The following TESPA1 variants were observed in gnomAD, a reference collection of about 807,000 sequenced individuals.
TESPA1 encodes the protein thymocyte expressed, positive selection associated 1.
Under a neutral mutation model 57.9 loss-of-function variants are expected in TESPA1, and 33 were observed. The observed-to-expected ratio is 0.57, with a 90% confidence interval of 0.43 to 0.76. The LOEUF is 0.76. TESPA1 is among the 30% of genes least tolerant of loss of function. TESPA1 has a pLI of 0.00. For synonymous variants in TESPA1, 227 were observed against 228.9 expected, an observed-to-expected ratio of 0.99 and a Z score of 0.07; for missense variants, 618 against 632.9, an observed-to-expected ratio of 0.98 and a Z score of 0.25.
intron 1 of TESPA1, among the ~76,000 whole-genome samples, chr12:54,983,358 A>G (rs1439336654): frequency 6.6e-6 from 1 of 152,138 alleles, no homozygotes; most frequent in African/African-American, 2.4e-5. Flanking sequence ...TATTTCTGAT[A>G]ATAGTCCAAG....
intron 1 of TESPA1, among the ~76,000 whole-genome samples, chr12:54,975,499 C>A (rs1218056137): frequency 6.6e-6 from 1 of 152,146 alleles, no homozygotes; most frequent in Admixed American, 6.5e-5. Context: ...CTTAAAAAAG[C>A]TTGAAGCTAA....
intron 3 of TESPA1, among the ~76,000 whole-genome samples, chr12:54,972,601 G>A (rs1458265799): frequency 3.9e-5 from 6 of 152,096 alleles, no homozygotes; most frequent in African/African-American, 1.4e-4. Context: ...AATAAGATGA[G>A]GGCAATGAGA....
Position 54,949,302 on chromosome 12 carries a change from A to G in TESPA1, c.*1090T>C, listed in dbSNP as rs1278585616. 2.6e-5 allele frequency: 4 copies of G among 151,912 alleles called. No homozygotes were observed. Among genetic ancestry groups the G allele is most frequent in the Admixed American group, 1.3e-4 (2 of 15,244 alleles). The allele number at this position is 151,912 out of a possible 1,614,324, so 9.4% of individuals were successfully genotyped here. The stretch of plus-strand genomic sequence containing the variant: ...ACCAGAACAAAATCAACTTCTGCTT[A>G]TCATGTCTGGTGTAATTTTTTCCTT... On this transcript the variant is annotated 3_prime_UTR_variant, in exon 11 of 11. Coordinates refer to ENST00000449076, the MANE Select transcript of TESPA1 (RefSeq NM_001136030.3).
intron 1 of TESPA1, among the ~76,000 whole-genome samples, chr12:54,979,927 C>T (rs1952253131): frequency 6.6e-6 from 1 of 152,132 alleles, no homozygotes; most frequent in Admixed American, 6.5e-5. Flanking sequence ...ATCCATAAAA[C>T]TTTCCTGTAA....
chr12:54,981,873 T>C (rs1007470424), intron 1 of TESPA1: 1 of 152,356 alleles, frequency 6.6e-6, no homozygotes. Flanking sequence ...TTGCCTTTAG[T>C]GCTCTAGGGG....
chr12:54,984,382 A>G (rs1952423017), intron 1 of TESPA1, among the ~76,000 whole-genome samples: 1 of 152,216 alleles, frequency 6.6e-6, no homozygotes, highest in East Asian at 1.9e-4. Context: ...GAAAACAAAC[A>G]AACGAAAGCA....
At chr12:54,979,954 C>T (rs907749730) in intron 1 of TESPA1, among the ~76,000 whole-genome samples, 13 of 152,280 alleles carry the variant, frequency 8.5e-5, no homozygotes, top group African/African-American at 3.1e-4. Flanking sequence ...TAACTTAATC[C>T]TGACAACCAC....
chr12:54,966,340 T>A, intron 6 of TESPA1, 48 bp downstream of exon 6: 1 of 1,613,216 alleles, frequency 6.2e-7, no homozygotes, highest in Admixed American at 1.7e-5. Context: ...CCCAATTCAC[T>A]GATTCTTAAA....
intron 1 of TESPA1, among the ~76,000 whole-genome samples, chr12:54,982,343 G>C (rs546796932): frequency 2.0e-5 from 3 of 152,286 alleles, no homozygotes; most frequent in South Asian, 2.1e-4. Flanking sequence ...GAAAAGGAGA[G>C]ATGTTACTTG....
rs186059230 is a variant in TESPA1 at position 54,979,877 on chromosome 12, G to A, written c.-46+4708C>T. ...ATTGACACGGGCAAGTCAAAGGTAG[G>A]TAGTCATAATAACTGAAATGTATAG... On this transcript the variant is annotated intron_variant, in intron 1 of 10. Coordinates refer to ENST00000449076, the MANE Select transcript of TESPA1 (RefSeq NM_001136030.3). Among the ~76,000 whole-genome samples the A allele has an allele frequency of 3.1e-3, 477 of 152,278 alleles. 2 individuals carry two copies. The highest frequency in any genetic ancestry group is 0.011 in the African/African-American group (456 of 41,558).
At chr12:54,971,732 TA>T (rs145630263) in intron 3 of TESPA1, among the ~76,000 whole-genome samples, 9,026 of 151,942 alleles carry the variant, frequency 0.059, 702 homozygotes, top group East Asian at 0.21. Flanking sequence ...TAATGTAAAA[TA>T]AAAAATTAAA....
rs1047717881 is a variant in TESPA1 at position 54,963,864 on chromosome 12, G to A, written c.533C>T (p.Thr178Ile). ...LGFGQEDHKDTSRIPARFFTT... is the reference protein window; with the variant it reads ...LGFGQEDHKDISRIPARFFTT... Reference sequence around the variant, plus strand: ...GAAAAATCGGGCGGGTATCCGAGAAGTGTCTTTGTGATCCTCTTGGCCAAA... The same window carrying A: ...GAAAAATCGGGCGGGTATCCGAGAAATGTCTTTGTGATCCTCTTGGCCAAA... Residue 178 changes from threonine to isoleucine, a missense_variant, in exon 8 of 11, where the codon ACT becomes ATT. Physicochemically the swap from Thr to Ile is moderately conservative, Grantham distance 89. Around this residue, in one of 3 missense-constraint regions of TESPA1, gnomAD observed 409 missense variants for 420.1 expected, o/e 0.97. Transcript: ENST00000449076. 1.2e-6 allele frequency: 2 copies of A among 1,614,032 alleles called. No homozygotes were observed.
chr12:54,970,994 G>A (rs549093892), intron 3 of TESPA1, among the ~76,000 whole-genome samples: 5 of 152,236 alleles, frequency 3.3e-5, no homozygotes, highest in African/African-American at 9.6e-5. Flanking sequence ...GGAGGAGAAA[G>A]AAAAAAGGAG....
intron 3 of TESPA1, among the ~76,000 whole-genome samples, chr12:54,972,252 G>T (rs1013036670): frequency 5.3e-5 from 8 of 152,138 alleles, no homozygotes; most frequent in African/African-American, 1.7e-4. Flanking sequence ...TTGTATTTCT[G>T]TGAATTTATT....
At position 54,962,467 on chromosome 12, in the gene TESPA1, T is replaced by G. The variant is rs763438986; in HGVS notation, c.1431A>C (p.Leu477Phe). The change falls in exon 9 of 11, where the codon TTA (leucine) becomes TTC (phenylalanine). Residue 477 changes from leucine (L) to phenylalanine (F), a missense_variant. Physicochemically the swap from Leu to Phe is conservative, Grantham distance 22. Transcript: ENST00000449076. ...SVDRPELRRS[L>F]SQQPQDTFDL... is the part of the protein sequence containing the mutation. ...CAAAAGTGTCCTGTGGCTGCTGGCT[T>G]AAAGACCGACGCAGTTCTGGTCTGT... is the stretch of plus-strand genomic sequence containing the variant. 2.5e-6 allele frequency: 4 copies of G among 1,612,394 alleles called. No individual in the cohort carries two copies. The highest frequency in any genetic ancestry group is 3.4e-6 in the Non-Finnish European group (4 of 1,179,770).
intron 3 of TESPA1, among the ~76,000 whole-genome samples, chr12:54,970,975 G>A (rs925587600): frequency 6.6e-6 from 1 of 152,174 alleles, no homozygotes; most frequent in African/African-American, 2.4e-5. Context: ...AGAAAATCCC[G>A]AGAGCTTAGG....
Position 54,962,821 on chromosome 12 carries a change from T to C in TESPA1, c.1077A>G (p.Pro359=). Residue 359 remains proline, a synonymous_variant, in exon 9 of 11, where the codon CCA becomes CCG. Coordinates refer to ENST00000449076, the MANE Select transcript of TESPA1 (RefSeq NM_001136030.3). ...TTTCCTCTTCACAGCAGAAGACACA[T>C]GGATAGGGAGAAGTGGGCAACTTCT... is the stretch of plus-strand genomic sequence containing the variant. ...EGKKLPTSPY[P]CVFCCEEETQ... is the part of the protein sequence containing the mutation. 2 of 1,613,854 alleles carry C rather than the reference T, an allele frequency of 1.2e-6. No homozygotes were observed. The highest frequency in any genetic ancestry group is 8.5e-7 in the Non-Finnish European group (1 of 1,179,838).
intron 10 of TESPA1, among the ~76,000 whole-genome samples, chr12:54,960,933 AGCCCTCCAGGTGATTGTGAT>A (rs1202487467): frequency 6.6e-6 from 1 of 152,154 alleles, no homozygotes; most frequent in East Asian, 1.9e-4. Flanking sequence ...TATTTTAACA[AGCCCTCCAGGTGATTGTGAT>A]GCCTGCCAAA....
intron 1 of TESPA1, among the ~76,000 whole-genome samples, chr12:54,976,378 G>A (rs1273302170): frequency 6.6e-6 from 1 of 152,092 alleles, no homozygotes; most frequent in Non-Finnish European, 1.5e-5. Context: ...CACAAAGGCC[G>A]ACTTGTCTAT....
Sources: gnomAD v4.1 joint callset for allele counts (sites outside exome capture counted in the v4.1 genomes callset) on GRCh38, gnomAD v4.1.1 for gene constraint, gnomAD v4.1.1 regional missense constraint, MANE v1.5 for transcripts, NCBI Gene and HGNC (gene_info 2026-07-23, HGNC 2026-07-21) for gene names.